SPEN: variants seen among roughly 807,000 people sequenced by gnomAD.
SPEN encodes the protein msx2-interacting protein.
Under a neutral mutation model 269.9 loss-of-function variants are expected in SPEN, and 18 were observed. The ratio of observed to expected loss-of-function variants is 0.07; its 90% confidence interval spans 0.05 to 0.10. The LOEUF (loss-of-function observed/expected upper bound fraction) is 0.10. Ranked by LOEUF, SPEN falls within the 10% of genes least tolerant of loss-of-function variation. The pLI, the probability that SPEN is intolerant of heterozygous loss-of-function variation, is 1.00. For missense variants in SPEN, 3,822 were observed against 4,631.2 expected (o/e 0.83, Z 5.07); for synonymous variants, 1,726 against 1,765.7 (o/e 0.98, Z 0.56).
chr1:15,933,486 A>G lies in SPEN; in HGVS notation c.7246A>G (p.Ser2416Gly), dbSNP rs770443691. 6 of 1,614,170 alleles carry G rather than the reference A, an allele frequency of 3.7e-6. No individual in the cohort carries two copies. In the East Asian group the frequency reaches 1.3e-4, roughly 36 times the overall value. ...CACAGAGAATTCGTCCCAAGAAATC[A>G]GTGTTGAGGAAAGGACTCCAACCAA... Reference protein sequence around the residue: ...PSTENSSQEISVEERTPTKAS... With the variant: ...PSTENSSQEIGVEERTPTKAS... The change falls in exon 11 of 15, where the codon AGT (serine) becomes GGT (glycine). Residue 2416 changes from serine (S) to glycine (G), a missense_variant. This residue lies in a region of SPEN where 727 missense variants were observed against 737.9 expected (regional missense o/e 0.99). Coordinates refer to ENST00000375759, the MANE Select transcript of SPEN (RefSeq NM_015001.3). The surrounding 1 kb of genome is among the most constrained non-coding windows in gnomAD (Gnocchi z 5.7).
At chr1:15,908,197 T>G (rs1358389851) in intron 3 of SPEN, among the ~76,000 whole-genome samples, 1 of 152,148 alleles carries the variant, frequency 6.6e-6, no homozygotes, top group African/African-American at 2.4e-5. Flanking sequence ...TAACAGTAAC[T>G]GAGCAGTGCT....
chr1:15,938,565 C>CTTTTTTTTT (rs200567875), intron 13 of SPEN, 153 bp from the exon 14 acceptor site: 2 of 234,758 alleles, frequency 8.5e-6, no homozygotes, highest in Admixed American at 6.9e-5. Flanking sequence ...TGAAAAAAAG[C>CTTTTTTTTT]TTTTTTTTTT....
At chr1:15,918,655 A>T (rs1002134945) in intron 6 of SPEN, among the ~76,000 whole-genome samples, 6 of 152,146 alleles carry the variant, frequency 3.9e-5, no homozygotes, top group African/African-American at 7.2e-5. Context: ...GTTAGTATGG[A>T]TTTTAAATTT....
intron 3 of SPEN, among the ~76,000 whole-genome samples, chr1:15,890,115 A>G (rs530723361): frequency 3.9e-5 from 6 of 152,332 alleles, no homozygotes; most frequent in African/African-American, 1.2e-4. Flanking sequence ...GTCTTTGCAG[A>G]GTTCGTTTCT....
Position 15,929,240 on chromosome 1 carries a change from A to G in SPEN, c.3000A>G (p.Pro1000=), listed in dbSNP as rs1464835602. 6.2e-7 allele frequency: 1 copy of G among 1,614,212 alleles called. No homozygotes were observed. The highest frequency in any genetic ancestry group is 8.5e-7 in the Non-Finnish European group (1 of 1,180,032). The change falls in exon 11 of 15, where the codon CCA becomes CCG. Residue 1000 remains proline, a synonymous_variant. Coordinates refer to ENST00000375759, the MANE Select transcript of SPEN (RefSeq NM_015001.3). The surrounding 1 kb of genome is among the most constrained non-coding windows in gnomAD (Gnocchi z 5.8). The part of the protein sequence containing the change: ...DSNLKAEKQK[P]EVKKSSPEME... ...ATTTAAAAGCAGAAAAGCAAAAACC[A>G]GAGGTCAAGAAAAGCAGTCCAGAGA...
Position 15,862,094 on chromosome 1 carries a change from G to A in SPEN, c.84-10722G>A, listed in dbSNP as rs115648675. ...TTGCGGGAGTTAGCCACCATTCTTG[G>A]CCTTTTGAGGGACTCTTGATGTGGA... On this transcript the variant is annotated intron_variant, in intron 1 of 14. Coordinates refer to ENST00000375759, the MANE Select transcript of SPEN (RefSeq NM_015001.3). 8.0e-3 allele frequency among the ~76,000 whole-genome samples: 1,214 copies of A among 152,146 alleles called. 15 individuals carry two copies. Among genetic ancestry groups the A allele is most frequent in the Non-Finnish European group, 8.7e-3 (594 of 67,992 alleles).
In SPEN at chr1:15,932,069, G is replaced by T. The variant is rs751161622; in HGVS notation, c.5829G>T (p.Ala1943=). The change falls in exon 11 of 15, where the codon GCG becomes GCT. Residue 1943 remains alanine, a synonymous_variant. Transcript: ENST00000375759. The surrounding 1 kb of genome is among the most constrained non-coding windows in gnomAD (Gnocchi z 4.2). The part of the protein sequence containing the change: ...RLERELQEAA[A]VPTTPRRGRP... ...AGCGAGAGCTTCAGGAGGCTGCAGC[G>T]GTTCCCACCACCCCTCGGAGGGGAA... 6.2e-7 allele frequency: 1 copy of T among 1,613,940 alleles called. No individual in the cohort carries two copies. Among genetic ancestry groups the T allele is most frequent in the Non-Finnish European group, 8.5e-7 (1 of 1,180,032 alleles).
chr1:15,877,167 G>A (rs2070640197), intron 3 of SPEN, among the ~76,000 whole-genome samples: 2 of 152,106 alleles, frequency 1.3e-5, no homozygotes, highest in African/African-American at 4.8e-5. Flanking sequence ...ACATCAGGGT[G>A]GTAGCCAATT....
intron 3 of SPEN, among the ~76,000 whole-genome samples, chr1:15,892,662 G>C (rs2070801035): frequency 6.6e-6 from 1 of 152,122 alleles, no homozygotes; most frequent in Admixed American, 6.6e-5. Flanking sequence ...TTCCAGGGTG[G>C]CTGAGGGAAT....
Position 15,939,118 on chromosome 1 carries a change from GT to G in SPEN, c.10864-175del, listed in dbSNP as rs3830815. ...AAAGATAGGGCCCCAGGGGGTTCCT[GT>G]TTATAGTTTTCTGACACCTGCTAGG... On this transcript the variant is annotated intron_variant, in intron 14 of 14. Coordinates refer to ENST00000375759, the MANE Select transcript of SPEN (RefSeq NM_015001.3). The surrounding 1 kb of genome is among the most constrained non-coding windows in gnomAD (Gnocchi z 4.1). 6.6e-6 allele frequency among the ~76,000 whole-genome samples: 1 copy of G among 152,186 alleles called. No individual in the cohort carries two copies. The highest frequency in any genetic ancestry group is 1.9e-4 in the East Asian group (1 of 5,196).
At chr1:15,926,443 TTTATAAATATGTATA>T (rs2071168832) in intron 10 of SPEN, among the ~76,000 whole-genome samples, 1 of 151,926 alleles carries the variant, frequency 6.6e-6, no homozygotes, top group Non-Finnish European at 1.5e-5. Flanking sequence ...AATATACATA[TTTATAAATATGTATA>T]TTTATAAAAT....
Position 15,928,581 on chromosome 1 carries a change from C to T in SPEN, c.2341C>T (p.Arg781Cys), listed in dbSNP as rs1283954838. The change falls in exon 11 of 15, where the codon CGT (arginine) becomes TGT (cysteine). Residue 781 changes from arginine to cysteine, a missense_variant. This residue lies in a region of SPEN where 572 missense variants were observed against 582.6 expected (regional missense o/e 0.98). Transcript: ENST00000375759. This position sits in a 1 kb window ranked among gnomAD's most constrained non-coding sequence, Gnocchi z 5.7. ...AAGATATGAGAAACTGGACAAGTCT[C>T]GTTTGGAGCGCTATACAAAAAATGA... is the stretch of plus-strand genomic sequence containing the variant. The part of the protein sequence containing the change: ...PPRYEKLDKS[R>C]LERYTKNEKT... The T allele has an allele frequency of 1.4e-5, 22 of 1,613,946 alleles. No homozygotes were observed. In the East Asian group the frequency reaches 2.5e-4, roughly 18 times the overall value.
intron 13 of SPEN, 84 bp downstream of exon 13, chr1:15,938,090 C>T (rs865787027): frequency 5.6e-6 from 7 of 1,246,874 alleles, no homozygotes; most frequent in Non-Finnish European, 7.8e-6. Flanking sequence ...ATCTCCCTGG[C>T]CTGTCATGGA....
chr1:15,857,658 C>CTATT (rs1261427993), intron 1 of SPEN, among the ~76,000 whole-genome samples: 3 of 148,562 alleles, frequency 2.0e-5, no homozygotes, highest in East Asian at 2.0e-4. Flanking sequence ...TGCCCGGCCC[C>CTATT]TATTTATTTA....
At chr1:15,916,007 G>A in intron 5 of SPEN, 121 bp from the exon 6 acceptor site, 1 of 1,135,760 alleles carries the variant, frequency 8.8e-7, no homozygotes, top group Non-Finnish European at 1.2e-6. Context: ...TTCAGTTTAT[G>A]TGAGTATTCA....
intron 4 of SPEN, among the ~76,000 whole-genome samples, chr1:15,910,124 TAAAAAAAAAAAAA>T (rs57198076): frequency 0.014 from 927 of 65,714 alleles, 15 homozygotes; most frequent in Middle Eastern, 0.067. Context: ...ACTCTGTCTC[TAAAAAAAAAAAAA>T]AAAAAAAAAA....
Position 15,939,024 on chromosome 1 carries a change from G to A in SPEN, c.10863+148G>A, listed in dbSNP as rs1038029277. ...GACAGAAGTCAGTAGAGCACATGGG[G>A]CGGGGCGCCATCACCCATCCTGAAG... On this transcript the variant is annotated intron_variant, in intron 14 of 14. Transcript: ENST00000375759. This position sits in a 1 kb window ranked among gnomAD's most constrained non-coding sequence, Gnocchi z 4.1. 5 of 1,116,372 alleles carry A rather than the reference G, an allele frequency of 4.5e-6. No homozygotes were observed. In the African/African-American group the frequency reaches 7.8e-5, roughly 17 times the overall value. 69.2% of individuals were successfully genotyped at this position (1,116,372 alleles called of 1,614,324 possible).
chr1:15,855,333 C>T (rs1251430609), intron 1 of SPEN, among the ~76,000 whole-genome samples: 2 of 152,036 alleles, frequency 1.3e-5, no homozygotes, highest in African/African-American at 4.8e-5. Flanking sequence ...TTACACATAA[C>T]GTATGTACTT....
chr1:15,858,863 G>C (rs2070412474), intron 1 of SPEN, among the ~76,000 whole-genome samples: 1 of 152,176 alleles, frequency 6.6e-6, no homozygotes, highest in African/African-American at 2.4e-5. Flanking sequence ...AGGATCACTT[G>C]GGCCCATGAG....
Sources: allele counts gnomAD v4.1 joint callset (sites outside exome capture counted in the v4.1 genomes callset), GRCh38; gene constraint gnomAD v4.1.1; regional missense constraint gnomAD v4.1.1; non-coding constraint Gnocchi (gnomAD v3.1); transcripts MANE v1.5; gene names NCBI Gene and HGNC (gene_info 2026-07-23, HGNC 2026-07-21).